The following WDFY2 variants were observed in gnomAD, a reference collection of about 807,000 sequenced individuals.
WDFY2 encodes WD repeat and FYVE domain-containing protein 2.
In WDFY2, 36 loss-of-function variants were observed where a neutral mutation model predicts 56.4. The observed-to-expected ratio is 0.64, with a 90% CI of 0.49 to 0.84. The LOEUF (loss-of-function observed/expected upper bound fraction) is 0.84, where lower values mean the gene tolerates loss of function less well. Among genes scored for constraint, WDFY2 ranks in the 40% least tolerant of loss-of-function variants. The pLI, the probability that WDFY2 is intolerant of heterozygous loss-of-function variation, is 0.00. For missense variants in WDFY2, 444 were observed against 512.2 expected, an observed-to-expected ratio of 0.87 and a Z score of 1.29; for synonymous variants, 176 against 183.7, an observed-to-expected ratio of 0.96 and a Z score of 0.34.
intron 3 of WDFY2, among the ~76,000 whole-genome samples, chr13:51,690,752 A>T (rs1208124778): frequency 6.6e-6 from 1 of 152,058 alleles, no homozygotes; most frequent in Non-Finnish European, 1.5e-5. Flanking sequence ...CCAGTTCTAG[A>T]TCCCTGAGGA....
At chr13:51,694,919 C>A (rs1951830591) in intron 3 of WDFY2, among the ~76,000 whole-genome samples, 2 of 152,154 alleles carry the variant, frequency 1.3e-5, no homozygotes, top group Non-Finnish European at 1.5e-5. Flanking sequence ...CTTCTCACTT[C>A]ATTTCATTCA....
chr13:51,713,537 A>G (rs1003527097), intron 4 of WDFY2, among the ~76,000 whole-genome samples: 3 of 152,198 alleles, frequency 2.0e-5, no homozygotes, highest in Non-Finnish European at 4.4e-5. Flanking sequence ...GACACATGCA[A>G]ATGAACCTTG....
chr13:51,637,605 G>C (rs1955077350), intron 1 of WDFY2, among the ~76,000 whole-genome samples: 1 of 152,054 alleles, frequency 6.6e-6, no homozygotes, highest in Non-Finnish European at 1.5e-5. Context: ...AAAGAATTCA[G>C]GGTGAGTCCA....
At chr13:51,654,246 G>T (rs567185120) in intron 1 of WDFY2, among the ~76,000 whole-genome samples, 12 of 152,338 alleles carry the variant, frequency 7.9e-5, no homozygotes, top group South Asian at 2.1e-4. Context: ...TGCTAAGACT[G>T]TCGGAAAAGC....
At chr13:51,752,626 A>G (rs1281668755) in intron 8 of WDFY2, among the ~76,000 whole-genome samples, 3 of 152,218 alleles carry the variant, frequency 2.0e-5, no homozygotes, top group Non-Finnish European at 4.4e-5. Context: ...GGCCAAAGGA[A>G]GATAACAGTG....
At chr13:51,759,679 T>C in intron 11 of WDFY2, 61 bp from the exon 12 acceptor site, 1 of 1,565,300 alleles carries the variant, frequency 6.4e-7, no homozygotes, top group Non-Finnish European at 8.8e-7. Context: ...AATTCAGTTC[T>C]AAGGACTGTT....
chr13:51,735,920 C>T (rs151171773), intron 6 of WDFY2, among the ~76,000 whole-genome samples: 2 of 152,270 alleles, frequency 1.3e-5, no homozygotes, highest in African/African-American at 4.8e-5. Flanking sequence ...TTGCTTTAAC[C>T]AGTTTATCTA....
At chr13:51,746,990 C>A (rs1281585131) in intron 7 of WDFY2, among the ~76,000 whole-genome samples, 1 of 152,256 alleles carries the variant, frequency 6.6e-6, no homozygotes, top group Non-Finnish European at 1.5e-5. Flanking sequence ...TCCGCTGGCA[C>A]AGCTTAAAAA....
rs940674445 is a variant in WDFY2 at position 51,701,866 on chromosome 13, G to A, written c.280-1730G>A. ...ATAAATTTATTTGTGTATGTGTCAC[G>A]ATATTTGGGACCCTGTAAAGTTGGG... On this transcript the variant is annotated intron_variant, in intron 3 of 11. Coordinates refer to ENST00000298125, the MANE Select transcript of WDFY2 (RefSeq NM_052950.4). Among the ~76,000 whole-genome samples the A allele has an allele frequency of 9.2e-5, 14 of 152,214 alleles. No individual in the cohort carries two copies. The South Asian group carries it at 2.1e-3, about 23-fold the overall frequency.
In WDFY2 at chr13:51,721,146, A is replaced by T. The variant is rs1952480485; in HGVS notation, c.485+1798A>T. Among the ~76,000 whole-genome samples, 3 of 152,182 alleles carry T rather than the reference A, an allele frequency of 2.0e-5. No homozygotes were observed. In the South Asian group the frequency reaches 6.2e-4, roughly 31 times the overall value. On this transcript the variant is annotated intron_variant, in intron 5 of 11. Coordinates refer to ENST00000298125, the MANE Select transcript of WDFY2 (RefSeq NM_052950.4). ...AATACTTTTTTAGAATTCAGTCTAC[A>T]CTACCCTCATTTTACAGATGAGCTG...
intron 6 of WDFY2, among the ~76,000 whole-genome samples, chr13:51,734,224 A>C (rs1952786135): frequency 6.6e-6 from 1 of 152,152 alleles, no homozygotes; most frequent in Non-Finnish European, 1.5e-5. Flanking sequence ...ATGTGGTAAA[A>C]GTCTCAAAAA....
rs946698018 is a variant in WDFY2, at chr13:51,712,214, G to T, written c.335-6984G>T. ...TTGCAAGGACAGAAAACCAAGCACC[G>T]TATCTTCTCACTCATAGGTGGGAAT... On this transcript the variant is annotated intron_variant, in intron 4 of 11. Coordinates refer to ENST00000298125, the MANE Select transcript of WDFY2 (RefSeq NM_052950.4). 3.3e-5 allele frequency among the ~76,000 whole-genome samples: 5 copies of T among 152,112 alleles called. No homozygotes were observed. The East Asian group carries it at 7.7e-4, about 23-fold the overall frequency.
chr13:51,638,537 T>C (rs1955095750), intron 1 of WDFY2, among the ~76,000 whole-genome samples: 1 of 152,192 alleles, frequency 6.6e-6, no homozygotes, highest in African/African-American at 2.4e-5. Context: ...ATGATTGAGC[T>C]TCCGTGCAGT....
chr13:51,625,153 A>G (rs961891954), intron 1 of WDFY2, among the ~76,000 whole-genome samples: 1 of 152,238 alleles, frequency 6.6e-6, no homozygotes, highest in Non-Finnish European at 1.5e-5. Flanking sequence ...TAGGAGACGT[A>G]AAAGTGGCTG....
At chr13:51,724,597 C>T (rs1952565467) in intron 5 of WDFY2, among the ~76,000 whole-genome samples, 1 of 152,126 alleles carries the variant, frequency 6.6e-6, no homozygotes, top group Non-Finnish European at 1.5e-5. Flanking sequence ...CAAAATTGAG[C>T]AGAAAGTATA....
intron 1 of WDFY2, chr13:51,588,658 T>G (rs1481848841): frequency 1.3e-5 from 2 of 152,020 alleles, no homozygotes; most frequent in African/African-American, 2.4e-5. Flanking sequence ...GGAAAGGGCA[T>G]TTTAGATAGA....
chr13:51,702,301 A>G (rs1261255338), intron 3 of WDFY2, among the ~76,000 whole-genome samples: 2 of 150,416 alleles, frequency 1.3e-5, no homozygotes, highest in Non-Finnish European at 3.0e-5. Context: ...ACAGAGCAAG[A>G]CTCTGTCAAA....
At chr13:51,758,070 A>G (rs538767059) in intron 10 of WDFY2, 122 bp from the exon 11 acceptor site, 2 of 505,836 alleles carry the variant, frequency 4.0e-6, no homozygotes, top group Non-Finnish European at 7.2e-6. Context: ...TCTGAGGAGC[A>G]TTCCTGTCAG....
chr13:51,638,354 C>T (rs1258373058), intron 1 of WDFY2, among the ~76,000 whole-genome samples: 2 of 152,070 alleles, frequency 1.3e-5, no homozygotes, highest in African/African-American at 4.8e-5. Context: ...GCAGAGAAGA[C>T]AGATTTTAGT....
Sources: allele counts gnomAD v4.1 joint callset (sites outside exome capture counted in the v4.1 genomes callset), GRCh38; gene constraint gnomAD v4.1.1; transcripts MANE v1.5; gene names NCBI Gene and HGNC (gene_info 2026-07-23, HGNC 2026-07-21).